The following BAIAP2 variants were observed in gnomAD, a reference collection of about 807,000 sequenced individuals.
The protein encoded by BAIAP2 is BAR/IMD domain-containing adapter protein 2.
BAIAP2 carries 18 observed loss-of-function variants against 63.0 expected under a neutral mutation model. That is an observed-to-expected ratio of 0.29 (90% CI 0.20 to 0.42). The LOEUF (loss-of-function observed/expected upper bound fraction) is 0.42. BAIAP2 is among the 10% of genes least tolerant of loss of function. The probability of loss-of-function intolerance (pLI) is 1.00; values close to 1 mark genes in which losing one functional copy is unlikely to be tolerated. For missense variants in BAIAP2, 610 were observed against 734.3 expected, an observed-to-expected ratio of 0.83 and a Z score of 1.96; for synonymous variants, 386 against 307.6, an observed-to-expected ratio of 1.25 and a Z score of -2.67.
chr17:81,086,960 C>CT (rs2055767622), intron 6 of BAIAP2: 1 of 194,946 alleles, frequency 5.1e-6, no homozygotes, highest in South Asian at 1.0e-4. Flanking sequence ...GAAGGTGGTA[C>CT]TTCAGGTTCC....
At chr17:81,081,843 G>T (rs35048797) in intron 3 of BAIAP2, among the ~76,000 whole-genome samples, 32 of 152,250 alleles carry the variant, frequency 2.1e-4, no homozygotes, top group African/African-American at 7.5e-4. Context: ...GGGGGCCATC[G>T]CTGGGCCCTG....
At chr17:81,055,805 T>C (rs2049453426) in intron 2 of BAIAP2, among the ~76,000 whole-genome samples, 1 of 151,944 alleles carries the variant, frequency 6.6e-6, no homozygotes, top group African/African-American at 2.4e-5. Flanking sequence ...GACCTCGTGA[T>C]CCGCCCGCCT....
intron 13 of BAIAP2, chr17:81,110,437 C>T (rs1012962574): frequency 7.0e-6 from 7 of 993,084 alleles, no homozygotes; most frequent in Non-Finnish European, 8.4e-6. Context: ...TTCCTGTTTC[C>T]TTTCCTTTTT....
chr17:81,066,448 C>A (rs1011038790), intron 3 of BAIAP2, among the ~76,000 whole-genome samples: 4 of 152,204 alleles, frequency 2.6e-5, no homozygotes, highest in African/African-American at 7.2e-5. Context: ...GTGCACGCCT[C>A]GTTGTCCAGA....
intron 2 of BAIAP2, among the ~76,000 whole-genome samples, chr17:81,055,034 C>G (rs75719565): frequency 6.6e-6 from 1 of 152,196 alleles, no homozygotes; most frequent in Non-Finnish European, 1.5e-5. Context: ...GGGAGGAGAT[C>G]GTGTGTTTTC....
chr17:81,074,547 ATGTGTGAG>A (rs2053299563), intron 3 of BAIAP2, among the ~76,000 whole-genome samples: 1 of 147,596 alleles, frequency 6.8e-6, no homozygotes, highest in Non-Finnish European at 1.5e-5. Context: ...ACGTGCACAG[ATGTGTGAG>A]TGCCTGTTCG....
At chr17:81,063,969 C>T (rs2051028785) in intron 3 of BAIAP2, 1 of 148,742 alleles carries the variant, frequency 6.7e-6, no homozygotes, top group African/African-American at 2.5e-5. Flanking sequence ...AGACCAGCCC[C>T]TTGCTTGGCC....
chr17:81,113,242 T>C (rs2060118806), intron 13 of BAIAP2, among the ~76,000 whole-genome samples: 1 of 152,130 alleles, frequency 6.6e-6, no homozygotes, highest in Non-Finnish European at 1.5e-5. Flanking sequence ...CCTCCGCTCT[T>C]GGACACGTCT....
chr17:81,055,329 C>G (rs12937996), intron 2 of BAIAP2, among the ~76,000 whole-genome samples: 22,367 of 152,142 alleles, frequency 0.15, 1,842 homozygotes, highest in Non-Finnish European at 0.18. Context: ...CCTGCCACAT[C>G]TAGTTGGGGG....
At chr17:81,062,046 G>A (rs1005858634) in intron 3 of BAIAP2, among the ~76,000 whole-genome samples, 1 of 152,206 alleles carries the variant, frequency 6.6e-6, no homozygotes, top group Middle Eastern at 3.4e-3. Context: ...AGGTTCATGC[G>A]AGTCTCCTGC....
intron 3 of BAIAP2, among the ~76,000 whole-genome samples, chr17:81,059,979 G>A (rs1244741775): frequency 1.3e-5 from 2 of 152,178 alleles, no homozygotes; most frequent in Non-Finnish European, 2.9e-5. Flanking sequence ...ATGGGCACAA[G>A]GAGGAGGAGG....
At position 81,062,729 on chromosome 17, in the gene BAIAP2, C is replaced by T. The variant is rs117631667; in HGVS notation, c.217+4762C>T. ...TCGGTTAGGTTTCTGAGTGGGTGAA[C>T]GGGGAATGTGTTTGAGCCAGTACGT... On this transcript the variant is annotated intron_variant, in intron 3 of 13. Coordinates refer to ENST00000428708, the MANE Select transcript of BAIAP2 (RefSeq NM_001144888.2). Among the ~76,000 whole-genome samples, 181 of 142,294 alleles carry T rather than the reference C, an allele frequency of 1.3e-3. 1 individual carries two copies. The highest frequency in any genetic ancestry group is 2.2e-3 in the East Asian group (11 of 4,898). The allele number at this position is 142,294 out of a possible 152,430, so 93.4% of individuals were successfully genotyped here. A position where few individuals can be genotyped will look rare whatever the true frequency, so the allele number is the denominator to read the frequency against.
intron 3 of BAIAP2, among the ~76,000 whole-genome samples, chr17:81,068,816 T>G (rs2052008699): frequency 6.6e-6 from 1 of 152,180 alleles, no homozygotes; most frequent in African/African-American, 2.4e-5. Context: ...TGGTTGCCAG[T>G]GTCTCTGTCC....
Position 81,116,211 on chromosome 17 carries a change from C to G in BAIAP2, c.*372C>G. 6.2e-7 allele frequency: 1 copy of G among 1,609,158 alleles called. No individual in the cohort carries two copies. Among genetic ancestry groups the G allele is most frequent in the Non-Finnish European group, 8.5e-7 (1 of 1,177,158 alleles). ...CCTGCTGCTTCTCCTGCCTAATAAACAGGCTTCTCCTGCACCAGGTGTGAT... is the reference window on the plus strand; with the variant it reads ...CCTGCTGCTTCTCCTGCCTAATAAAGAGGCTTCTCCTGCACCAGGTGTGAT... On this transcript the variant is annotated 3_prime_UTR_variant, in exon 14 of 14. Transcript: ENST00000428708.
At chr17:81,037,046 C>A in intron 1 of BAIAP2, 1 of 1,121,206 alleles carries the variant, frequency 8.9e-7, no homozygotes, top group Non-Finnish European at 1.3e-6. Flanking sequence ...AGTAGGCCTT[C>A]ACCTAGGTGA....
Position 81,085,254 on chromosome 17 carries a change from A to C in BAIAP2, c.279+361A>C, listed in dbSNP as rs964853269. On this transcript the variant is annotated intron_variant, in intron 4 of 13. Transcript: ENST00000428708. Reference sequence around the variant, plus strand: ...GCAGAGGCAGACCCCACACAACCAGAGCACGTTGCTGGCGGCTGGTTTGCA... The same window carrying C: ...GCAGAGGCAGACCCCACACAACCAGCGCACGTTGCTGGCGGCTGGTTTGCA... 11 of 495,514 alleles carry C rather than the reference A, an allele frequency of 2.2e-5. 1 individual carries two copies. Among genetic ancestry groups the C allele is most frequent in the Admixed American group, 1.6e-4 (5 of 30,418 alleles). The allele number at this position is 495,514 out of a possible 1,614,324, so 30.7% of individuals were successfully genotyped here.
intron 6 of BAIAP2, among the ~76,000 whole-genome samples, chr17:81,095,235 T>C (rs894023917): frequency 1.3e-5 from 2 of 152,134 alleles, no homozygotes; most frequent in African/African-American, 4.8e-5. Context: ...TGGGGCAGGC[T>C]CAGGGCCGTT....
At chr17:81,045,668 C>T (rs1193635536) in intron 1 of BAIAP2, among the ~76,000 whole-genome samples, 1 of 152,184 alleles carries the variant, frequency 6.6e-6, no homozygotes, top group African/African-American at 2.4e-5. Context: ...GCCCCTCACG[C>T]TGATCCCACC....
At chr17:81,068,102 G>A (rs1211081243) in intron 3 of BAIAP2, among the ~76,000 whole-genome samples, 1 of 152,236 alleles carries the variant, frequency 6.6e-6, no homozygotes, top group African/African-American at 2.4e-5. Context: ...CACTTTGGGT[G>A]GTGCCAGTTG....
Sources: allele counts gnomAD v4.1 joint callset (sites outside exome capture counted in the v4.1 genomes callset), GRCh38; gene constraint gnomAD v4.1.1; transcripts MANE v1.5; gene names NCBI Gene and HGNC (gene_info 2026-07-23, HGNC 2026-07-21).